The following WWOX variants were observed in gnomAD, a reference collection of about 807,000 sequenced individuals.
WWOX encodes WW domain-containing oxidoreductase.
In WWOX, 69 loss-of-function variants were observed where a neutral mutation model predicts 46.2. The observed-to-expected ratio is 1.49, with a 90% CI of 1.23 to 1.82. WWOX has a LOEUF of 1.82. WWOX is among the 40% of genes most tolerant of loss of function. WWOX has a pLI of 0.00. For missense variants in WWOX, 919 were observed against 542.6 expected, an observed-to-expected ratio of 1.69 and a Z score of -6.89; for synonymous variants, 359 against 202.6, an observed-to-expected ratio of 1.77 and a Z score of -6.56.
intron 8 of WWOX, among the ~76,000 whole-genome samples, chr16:79,081,816 G>A (rs1029930903): frequency 3.3e-5 from 5 of 152,038 alleles, no homozygotes; most frequent in Admixed American, 2.6e-4. Context: ...AAGACCTGTC[G>A]TGCTTGAGTG....
intron 8 of WWOX, among the ~76,000 whole-genome samples, chr16:79,070,508 G>A (rs1404567574): frequency 1.3e-5 from 2 of 152,176 alleles, no homozygotes; most frequent in Non-Finnish European, 2.9e-5. Flanking sequence ...GAAGGGTGGA[G>A]CGTCTGCCTT....
chr16:78,339,996 C>T (rs966870289), intron 5 of WWOX, among the ~76,000 whole-genome samples: 1 of 50,908 alleles, frequency 2.0e-5, no homozygotes, highest in South Asian at 6.6e-4. Flanking sequence ...GATAGTTCTT[C>T]TAGTCTTTCC....
At chr16:78,246,135 A>AT (rs1458280982) in intron 5 of WWOX, among the ~76,000 whole-genome samples, 1 of 151,962 alleles carries the variant, frequency 6.6e-6, no homozygotes, top group Admixed American at 6.6e-5. Context: ...GCATCTGTGC[A>AT]TTTTTTAAAG....
chr16:78,620,785 T>C (rs1035456912), intron 8 of WWOX, among the ~76,000 whole-genome samples: 19 of 152,300 alleles, frequency 1.2e-4, no homozygotes, highest in African/African-American at 4.6e-4. Context: ...GTGTGTCAAA[T>C]TTATAAATAT....
intron 8 of WWOX, among the ~76,000 whole-genome samples, chr16:79,187,921 C>T (rs186792764): frequency 1.1e-3 from 163 of 152,180 alleles, no homozygotes; most frequent in Middle Eastern, 0.01. Context: ...TTCCTGTGCA[C>T]CAGGCATGGA....
intron 8 of WWOX, among the ~76,000 whole-genome samples, chr16:79,075,418 C>T (rs2048636484): frequency 6.6e-6 from 1 of 152,150 alleles, no homozygotes; most frequent in Non-Finnish European, 1.5e-5. Context: ...TGTCTTTTTC[C>T]CCTATACCTA....
At chr16:78,795,574 C>G (rs528152477) in intron 8 of WWOX, among the ~76,000 whole-genome samples, 16 of 152,346 alleles carry the variant, frequency 1.1e-4, no homozygotes, top group South Asian at 4.1e-4. Context: ...ATTTCTCACA[C>G]AGATTTCTGG....
At chr16:78,426,587 TTG>T (rs1443893706) in intron 7 of WWOX, among the ~76,000 whole-genome samples, 2 of 152,190 alleles carry the variant, frequency 1.3e-5, no homozygotes, top group African/African-American at 2.4e-5. Context: ...CTGAAATGTG[TTG>T]TCAGGCTTGC....
At chr16:78,689,001 T>G (rs1339948518) in intron 8 of WWOX, among the ~76,000 whole-genome samples, 2 of 152,164 alleles carry the variant, frequency 1.3e-5, no homozygotes, top group African/African-American at 4.8e-5. Flanking sequence ...ATTGTAAGTT[T>G]CCTGAGACCT....
At chr16:79,008,533 C>A (rs1181680620) in intron 8 of WWOX, among the ~76,000 whole-genome samples, 3 of 152,124 alleles carry the variant, frequency 2.0e-5, no homozygotes, top group African/African-American at 7.2e-5. Flanking sequence ...GTCTTGGGGG[C>A]CATCTTGAAT....
intron 8 of WWOX, among the ~76,000 whole-genome samples, chr16:78,658,723 G>A (rs1597404791): frequency 1.3e-5 from 2 of 152,038 alleles, no homozygotes; most frequent in Non-Finnish European, 2.9e-5. Context: ...ATTGGATTTA[G>A]GGCTCACTGG....
intron 8 of WWOX, among the ~76,000 whole-genome samples, chr16:78,806,042 G>C (rs1016532319): frequency 6.6e-6 from 1 of 152,112 alleles, no homozygotes; most frequent in Non-Finnish European, 1.5e-5. Flanking sequence ...AGCCACTTGA[G>C]GCTCTAGATA....
chr16:78,914,332 C>T (rs1356785476), intron 8 of WWOX, among the ~76,000 whole-genome samples: 2 of 152,024 alleles, frequency 1.3e-5, no homozygotes, highest in East Asian at 1.9e-4. Context: ...CCACTCATGT[C>T]TTCAGCACTT....
chr16:78,618,679 A>T (rs2046090703), intron 8 of WWOX, among the ~76,000 whole-genome samples: 2 of 152,044 alleles, frequency 1.3e-5, no homozygotes, highest in African/African-American at 4.8e-5. Flanking sequence ...TCCATGTTTG[A>T]TCCGGGGGAA....
chr16:78,513,782 C>T (rs1311691721), intron 8 of WWOX, among the ~76,000 whole-genome samples: 1 of 152,182 alleles, frequency 6.6e-6, no homozygotes, highest in Non-Finnish European at 1.5e-5. Flanking sequence ...ATTTTCCAAA[C>T]TTACGTCACC....
chr16:78,733,239 C>A lies in WWOX; in HGVS notation c.1056+300487C>A, dbSNP rs76309373. 8.9e-3 allele frequency among the ~76,000 whole-genome samples: 1,355 copies of A among 152,200 alleles called. 15 individuals are homozygous for A. Among genetic ancestry groups the A allele is most frequent in the African/African-American group, 0.03 (1,242 of 41,532 alleles). On this transcript the variant is annotated intron_variant, in intron 8 of 8. Transcript: ENST00000566780. Reference sequence around the variant, plus strand: ...CATTTGCCATAAATACAAAGGATCCCTGAAAATAAATATACTGCCAGCCTG... The same window carrying A: ...CATTTGCCATAAATACAAAGGATCCATGAAAATAAATATACTGCCAGCCTG...
chr16:78,186,873 C>T (rs940319680), intron 5 of WWOX, among the ~76,000 whole-genome samples: 1 of 152,098 alleles, frequency 6.6e-6, no homozygotes, highest in Admixed American at 6.5e-5. Context: ...TACCCTTAAC[C>T]CAGCTTCCCC....
intron 8 of WWOX, among the ~76,000 whole-genome samples, chr16:78,860,871 C>G (rs147421628): frequency 2.4e-4 from 36 of 152,314 alleles, no homozygotes; most frequent in Middle Eastern, 3.4e-3. Flanking sequence ...GGGTCTCACT[C>G]TGTCACCCAG....
At chr16:78,378,831 T>C (rs2081888836) in intron 5 of WWOX, among the ~76,000 whole-genome samples, 1 of 152,232 alleles carries the variant, frequency 6.6e-6, no homozygotes, top group Non-Finnish European at 1.5e-5. Flanking sequence ...GTAACACTTC[T>C]CTTGTAAATT....
Sources: gnomAD v4.1 joint callset for allele counts (sites outside exome capture counted in the v4.1 genomes callset) on GRCh38, gnomAD v4.1.1 for gene constraint, MANE v1.5 for transcripts, NCBI Gene and HGNC (gene_info 2026-07-23, HGNC 2026-07-21) for gene names.